The following TRPM2 variants were observed in gnomAD, a reference collection of about 807,000 sequenced individuals.
TRPM2 encodes transient receptor potential cation channel subfamily M member 2, also known as estrogen-responsive element-associated gene 1 protein.
A neutral mutation model predicts 174.0 loss-of-function variants in TRPM2; 161 were observed. The observed-to-expected ratio is 0.93, with a 90% CI of 0.81 to 1.05. TRPM2 has a LOEUF of 1.05. TRPM2 is among the 50% of genes least tolerant of loss of function. The pLI is 0.00. For synonymous variants in TRPM2, 954 were observed against 861.3 expected (o/e 1.11, Z -1.88); for missense variants, 2,057 against 2,038.0 (o/e 1.01, Z -0.18).
At position 44,442,130 on chromosome 21, in the gene TRPM2, CCCTT is replaced by C. The variant is rs2051529904; in HGVS notation, c.*317_*320del. 3.6e-6 allele frequency: 1 copy of C among 280,726 alleles called. No homozygotes were observed. The highest frequency in any genetic ancestry group is 6.6e-6 in the Non-Finnish European group (1 of 151,944). The allele number at this position is 280,726 out of a possible 1,614,324, so 17.4% of individuals were successfully genotyped here. A position where few individuals can be genotyped will look rare whatever the true frequency, so the allele number is the denominator to read the frequency against. On this transcript the variant is annotated 3_prime_UTR_variant, in exon 32 of 32. Coordinates refer to ENST00000397928, the MANE Select transcript of TRPM2 (RefSeq NM_003307.4). ...GCTGGGCCCTTGGCCAGAGTCCACTCCCTTCCTGGCTGTGTCACCCCGAGCAGCT... is the reference window on the plus strand; with the variant it reads ...GCTGGGCCCTTGGCCAGAGTCCACTCCCTGGCTGTGTCACCCCGAGCAGCT...
chr21:44,407,216 C>A (rs1227533233), intron 19 of TRPM2, among the ~76,000 whole-genome samples: 3 of 137,998 alleles, frequency 2.2e-5, no homozygotes, highest in Non-Finnish European at 4.6e-5. Flanking sequence ...GCACGTCCAC[C>A]TCCTGCGCTC....
intron 3 of TRPM2, 121 bp downstream of exon 3, chr21:44,364,403 G>A: frequency 8.2e-7 from 1 of 1,213,498 alleles, no homozygotes; most frequent in South Asian, 1.4e-5. Context: ...AGGGTGCATA[G>A]AGCCCACTGC....
rs887388659 is a variant in TRPM2 at position 44,412,003 on chromosome 21, T to G, written c.2963-1888T>G. On this transcript the variant is annotated intron_variant, in intron 19 of 31. Coordinates refer to ENST00000397928, the MANE Select transcript of TRPM2 (RefSeq NM_003307.4). ...GGTGCTGGATTCACTTTGCTAGCTG[T>G]TTTTTGATGATTTTTGCACCTATAT... 2.0e-5 allele frequency among the ~76,000 whole-genome samples: 3 copies of G among 152,322 alleles called. No homozygotes were observed. In the South Asian group the frequency reaches 6.2e-4, roughly 32 times the overall value.
intron 20 of TRPM2, among the ~76,000 whole-genome samples, chr21:44,417,390 G>A (rs1435213733): frequency 3.4e-4 from 32 of 93,404 alleles, no homozygotes; most frequent in African/African-American, 1.1e-3. Context: ...GCACGTGGGC[G>A]TGGCTCTGCT....
chr21:44,438,272 G>A lies in TRPM2; in HGVS notation c.4168-795G>A, dbSNP rs905016608. Among the ~76,000 whole-genome samples, 2 of 152,224 alleles carry A rather than the reference G, an allele frequency of 1.3e-5. No homozygotes were observed. Among genetic ancestry groups the A allele is most frequent in the African/African-American group, 4.8e-5 (2 of 41,462 alleles). Reference sequence around the variant, plus strand: ...CTGTGCACACCTGGCCCTGGAACACGAGTCACCCTCCGCTCTCTGGCACTT... The same window carrying A: ...CTGTGCACACCTGGCCCTGGAACACAAGTCACCCTCCGCTCTCTGGCACTT... On this transcript the variant is annotated intron_variant, in intron 29 of 31. Coordinates refer to ENST00000397928, the MANE Select transcript of TRPM2 (RefSeq NM_003307.4). The surrounding 1 kb of genome is among the most constrained non-coding windows in gnomAD (Gnocchi z 5.9).
In TRPM2 at chr21:44,425,844, G is replaced by A. The variant is rs1254706535; in HGVS notation, c.3795+17G>A. ...CCCTGGGAGGTGAGCGCCTGCCCAA[G>A]CCCAACCAGGCGGAGTGGCCGGGCC... is the stretch of plus-strand genomic sequence containing the variant. On this transcript the variant is annotated intron_variant, in intron 25 of 31. Coordinates refer to ENST00000397928, the MANE Select transcript of TRPM2 (RefSeq NM_003307.4). 1 of 1,541,852 alleles carries A rather than the reference G, an allele frequency of 6.5e-7. No individual in the cohort carries two copies. Among genetic ancestry groups the A allele is most frequent in the Non-Finnish European group, 8.8e-7 (1 of 1,135,264 alleles).
rs1429647214 is a variant in TRPM2 at position 44,369,267 on chromosome 21, A to G, written c.695A>G (p.Lys232Arg). 6.2e-7 allele frequency: 1 copy of G among 1,613,710 alleles called. No individual in the cohort carries two copies. The highest frequency in any genetic ancestry group is 1.3e-5 in the African/African-American group (1 of 74,916). The change falls in exon 5 of 32, where the codon AAG (lysine) becomes AGG (arginine). Residue 232 changes from lysine (K) to arginine (R), a missense_variant. Coordinates refer to ENST00000397928, the MANE Select transcript of TRPM2 (RefSeq NM_003307.4). ...VRDFSLSSSY[K>R]EGELITIGVA... ...GACTTCAGCCTGAGCAGCAGCTACAAGGAAGGCGAGCTCATCACCATCGGA... is the reference window on the plus strand; with the variant it reads ...GACTTCAGCCTGAGCAGCAGCTACAGGGAAGGCGAGCTCATCACCATCGGA...
rs569770056 is a variant in TRPM2, at chr21:44,406,677, C to T, written c.2874C>T (p.His958=). 1 of 1,610,518 alleles carries T rather than the reference C, an allele frequency of 6.2e-7. No homozygotes were observed. Among genetic ancestry groups the T allele is most frequent in the East Asian group, 2.2e-5 (1 of 44,870 alleles). The part of the protein sequence containing the change: ...FGVAKQAILI[H]NERRVDWLFR... ...TGGCCAAGCAGGCCATCCTCATCCA[C>T]AACGAGCGCCGGGTGGACTGGCTGT... The change falls in exon 19 of 32, where the codon CAC becomes CAT. Residue 958 remains histidine (H), a synonymous_variant. Transcript: ENST00000397928.
At position 44,406,774 on chromosome 21, in the gene TRPM2, C is replaced by T. The variant is rs200731272; in HGVS notation, c.2962+9C>T. 2.5e-4 allele frequency: 395 copies of T among 1,594,576 alleles called. 2 individuals carry two copies. Among genetic ancestry groups the T allele is most frequent in the Middle Eastern group, 9.1e-4 (4 of 4,408 alleles). On this transcript the variant is annotated intron_variant, in intron 19 of 31. Transcript: ENST00000397928. The stretch of plus-strand genomic sequence containing the variant: ...CCCGGGCTACATCGACGGTAGGAGC[C>T]GGGCGCCATGGGAGCTCGGGTGGTG...
Position 44,410,195 on chromosome 21 carries a change from A to G in TRPM2, c.2962+3430A>G, listed in dbSNP as rs137898414. On this transcript the variant is annotated intron_variant, in intron 19 of 31. Coordinates refer to ENST00000397928, the MANE Select transcript of TRPM2 (RefSeq NM_003307.4). ...TTTTGATCGCGCTGTCTTGGTTGGC[A>G]TAGCCTTGTAGTAAGTTTTGACCGC... Among the ~76,000 whole-genome samples the G allele has an allele frequency of 9.4e-3, 198 of 21,080 alleles. 9 individuals are homozygous for G. The highest frequency in any genetic ancestry group is 0.013 in the Admixed American group (23 of 1,790). 13.8% of individuals were successfully genotyped at this position (21,080 alleles called of 152,430 possible). A position where few individuals can be genotyped will look rare whatever the true frequency, so the allele number is the denominator to read the frequency against.
chr21:44,434,395 G>A (rs371095845), intron 27 of TRPM2, among the ~76,000 whole-genome samples: 79 of 151,974 alleles, frequency 5.2e-4, no homozygotes, highest in Middle Eastern at 3.4e-3. Flanking sequence ...CGCTGGTGGC[G>A]GGGATGGTGG....
rs1157112996 is a variant in TRPM2, at chr21:44,439,878, C to T, written c.4269+710C>T. Among the ~76,000 whole-genome samples, 1 of 152,058 alleles carries T rather than the reference C, an allele frequency of 6.6e-6. No individual in the cohort carries two copies. Among genetic ancestry groups the T allele is most frequent in the Non-Finnish European group, 1.5e-5 (1 of 67,994 alleles). On this transcript the variant is annotated intron_variant, in intron 30 of 31. Transcript: ENST00000397928. This position sits in a 1 kb window ranked among gnomAD's most constrained non-coding sequence, Gnocchi z 5.1. ...CAGGGGCTGCAGCGGTGAGACACCACACCCGTCTAATATTTTGTATTTTTA... is the reference window on the plus strand; with the variant it reads ...CAGGGGCTGCAGCGGTGAGACACCATACCCGTCTAATATTTTGTATTTTTA...
intron 27 of TRPM2, among the ~76,000 whole-genome samples, chr21:44,431,438 A>C (rs777585271): frequency 2.0e-5 from 3 of 151,784 alleles, no homozygotes; most frequent in Non-Finnish European, 4.4e-5. Flanking sequence ...CACGCCCAGC[A>C]TAGTCTTCAT....
At chr21:44,353,264 A>G (rs902353887), upstream of TRPM2, 2 of 156,818 alleles carry the variant, frequency 1.3e-5, no homozygotes, top group African/African-American at 4.8e-5. Flanking sequence ...GCTGTGCAGA[A>G]TTGTACAGTT....
At chr21:44,429,468 G>A (rs1482941608) in intron 27 of TRPM2, among the ~76,000 whole-genome samples, 1 of 151,428 alleles carries the variant, frequency 6.6e-6, no homozygotes, top group Non-Finnish European at 1.5e-5. Context: ...TGTATTTTTA[G>A]TAGAGATGGG....
At chr21:44,374,160 G>A (rs2048627203) in intron 5 of TRPM2, among the ~76,000 whole-genome samples, 1 of 151,994 alleles carries the variant, frequency 6.6e-6, no homozygotes, top group South Asian at 2.1e-4. Context: ...ACAGGCATGT[G>A]CCACCATACC....
At position 44,376,727 on chromosome 21, in the gene TRPM2, G is replaced by A. The variant is rs142054220; in HGVS notation, c.952+714G>A. 4.7e-4 allele frequency among the ~76,000 whole-genome samples: 72 copies of A among 152,312 alleles called. No individual in the cohort carries two copies. In the East Asian group the frequency reaches 0.012, roughly 26 times the overall value. On this transcript the variant is annotated intron_variant, in intron 6 of 31. Coordinates refer to ENST00000397928, the MANE Select transcript of TRPM2 (RefSeq NM_003307.4). This position sits in a 1 kb window ranked among gnomAD's most constrained non-coding sequence, Gnocchi z 4.2. ...CTTGAGGAGGGTTCAAAGAGGAGAT[G>A]GTGAACGGGAGGTGTCTGACCTGTG... is the stretch of plus-strand genomic sequence containing the variant.
intron 16 of TRPM2, among the ~76,000 whole-genome samples, chr21:44,402,796 G>A (rs982480083): frequency 1.3e-5 from 2 of 152,198 alleles, no homozygotes; most frequent in Non-Finnish European, 2.9e-5. Context: ...GCTGGCAGCC[G>A]GTGAATGGGA....
rs753328226 is a variant in TRPM2, at chr21:44,397,871, C to A, written c.2057C>A (p.Ala686Asp). 6.2e-7 allele frequency: 1 copy of A among 1,600,932 alleles called. No individual in the cohort carries two copies. The highest frequency in any genetic ancestry group is 1.7e-5 in the Admixed American group (1 of 58,576). The stretch of plus-strand genomic sequence containing the variant: ...CTGGCGGAGGAGTATGAGCACAGAG[C>A]CATCGGTGAGCTCTGCCGGGCACGG... Reference protein sequence around the residue: ...LALAEEYEHRAIGVFTECYRK... With the variant: ...LALAEEYEHRDIGVFTECYRK... The change falls in exon 13 of 32, where the codon GCC (alanine) becomes GAC (aspartate). Residue 686 changes from alanine (A) to aspartate (D), a missense_variant. Ala to Asp is a moderately radical substitution (Grantham distance 126). Transcript: ENST00000397928.
Sources: gnomAD v4.1 joint callset for allele counts (sites outside exome capture counted in the v4.1 genomes callset) on GRCh38, gnomAD v4.1.1 for gene constraint, Gnocchi (gnomAD v3.1) non-coding constraint, MANE v1.5 for transcripts, NCBI Gene and HGNC (gene_info 2026-07-23, HGNC 2026-07-21) for gene names.